The following CECR2 variants were observed in gnomAD, a reference collection of about 807,000 sequenced individuals.
CECR2 encodes the protein chromatin remodeling regulator CECR2.
A neutral mutation model predicts 154.5 loss-of-function variants in CECR2; 30 were observed. The ratio of observed to expected loss-of-function variants is 0.19; its 90% CI spans 0.15 to 0.26. The LOEUF is 0.26. Among genes scored for constraint, CECR2 ranks in the 10% least tolerant of loss-of-function variants. The pLI, the probability that CECR2 is intolerant of heterozygous loss-of-function variation, is 1.00. For synonymous variants in CECR2, 725 were observed against 683.7 expected, an observed-to-expected ratio of 1.06 and a Z score of -0.94; for missense variants, 1,743 against 1,829.3, an observed-to-expected ratio of 0.95 and a Z score of 0.86.
chr22:17,529,476 G>T (rs530307136), intron 9 of CECR2, among the ~76,000 whole-genome samples: 1 of 152,166 alleles, frequency 6.6e-6, no homozygotes, highest in Non-Finnish European at 1.5e-5. Flanking sequence ...CGAAGTGGGC[G>T]AATCACGAGG....
At chr22:17,365,470 G>A (rs543188920), upstream of CECR2, among the ~76,000 whole-genome samples, 1 of 152,224 alleles carries the variant, frequency 6.6e-6, no homozygotes, top group African/African-American at 2.4e-5. Flanking sequence ...CAAGGTGGGC[G>A]GATCACGAGG....
chr22:17,494,396 T>C (rs1475820597), intron 2 of CECR2, among the ~76,000 whole-genome samples: 4 of 152,110 alleles, frequency 2.6e-5, no homozygotes, highest in Non-Finnish European at 5.9e-5. Context: ...CTGTCTGCAT[T>C]TTAATGTGAG....
chr22:17,426,839 A>G (rs1036817955), intron 1 of CECR2, among the ~76,000 whole-genome samples: 1 of 152,006 alleles, frequency 6.6e-6, no homozygotes, highest in Non-Finnish European at 1.5e-5. Context: ...ATTTGATCAA[A>G]TTCAGATTTA....
At chr22:17,488,758 C>T (rs1336917060) in intron 2 of CECR2, among the ~76,000 whole-genome samples, 1 of 152,104 alleles carries the variant, frequency 6.6e-6, no homozygotes, top group Non-Finnish European at 1.5e-5. Context: ...ATGAATGAAG[C>T]TGCTGTGAAC....
chr22:17,437,903 T>C (rs1276150551), intron 1 of CECR2, among the ~76,000 whole-genome samples: 1 of 152,184 alleles, frequency 6.6e-6, no homozygotes, highest in East Asian at 1.9e-4. Flanking sequence ...ATTTGAAAGA[T>C]GGATGTTACT....
At chr22:17,544,742 G>A (rs552051199) in intron 16 of CECR2, among the ~76,000 whole-genome samples, 7 of 146,506 alleles carry the variant, frequency 4.8e-5, no homozygotes, top group Admixed American at 1.4e-4. Flanking sequence ...CCCGGGAGGC[G>A]GAGGTTGCAG....
chr22:17,497,387 T>C lies in CECR2; in HGVS notation c.222-16T>C. 6.2e-7 allele frequency: 1 copy of C among 1,606,306 alleles called. No homozygotes were observed. Among genetic ancestry groups the C allele is most frequent in the Admixed American group, 1.7e-5 (1 of 58,294 alleles). ...TTTTATATTAATGTATTTTTGTGTT[T>C]GGGGCCCTGGTCTAGGCCTCAGACA... On this transcript the variant is annotated splice_polypyrimidine_tract_variant and intron_variant, in intron 2 of 18. Coordinates refer to ENST00000262608, the MANE Select transcript of CECR2 (RefSeq NM_001290047.2).
At chr22:17,368,805 C>G (rs1464661163), upstream of CECR2, among the ~76,000 whole-genome samples, 1 of 152,126 alleles carries the variant, frequency 6.6e-6, no homozygotes, top group East Asian at 1.9e-4. Flanking sequence ...GCTCTTCCCG[C>G]TTGGCTGCTG....
intron 1 of CECR2, among the ~76,000 whole-genome samples, chr22:17,381,891 T>TG (rs377438176): frequency 4.0e-5 from 6 of 148,302 alleles, no homozygotes; most frequent in Admixed American, 3.3e-4. Flanking sequence ...CACATTTTTT[T>TG]TTTTTGTTTT....
At chr22:17,363,001 C>T (rs1385510063) in intron 1 of CECR2, among the ~76,000 whole-genome samples, 1 of 151,200 alleles carries the variant, frequency 6.6e-6, no homozygotes. Context: ...TGGTCTCCAT[C>T]CTGTGTCACG....
At chr22:17,388,747 C>G (rs1443109142) in intron 1 of CECR2, among the ~76,000 whole-genome samples, 1 of 152,122 alleles carries the variant, frequency 6.6e-6, no homozygotes, top group Non-Finnish European at 1.5e-5. Context: ...CTGTTAAGAG[C>G]TCCTTTTATC....
intron 1 of CECR2, among the ~76,000 whole-genome samples, chr22:17,452,659 T>C (rs1483333919): frequency 2.0e-5 from 3 of 151,984 alleles, no homozygotes; most frequent in African/African-American, 7.2e-5. Context: ...ACTTGTGGAG[T>C]GAGTGATATC....
intron 16 of CECR2, 36 bp from the exon 17 acceptor site, chr22:17,548,112 A>T: frequency 6.8e-7 from 1 of 1,469,156 alleles, no homozygotes; most frequent in Non-Finnish European, 9.1e-7. Context: ...TCAGCTACTG[A>T]GTTATTTTTT....
chr22:17,421,507 T>G (rs1475319961), intron 1 of CECR2, among the ~76,000 whole-genome samples: 2 of 144,376 alleles, frequency 1.4e-5, no homozygotes, highest in Non-Finnish European at 3.0e-5. Context: ...CCCAGCTACT[T>G]GGGAGGCTGA....
chr22:17,534,051 A>G (rs993839907), intron 9 of CECR2, among the ~76,000 whole-genome samples: 3 of 152,150 alleles, frequency 2.0e-5, no homozygotes, highest in African/African-American at 7.2e-5. Context: ...ACAATACGAT[A>G]GGGTCAATCA....
At chr22:17,419,513 A>G (rs1202221473) in intron 1 of CECR2, 9 of 141,262 alleles carry the variant, frequency 6.4e-5, no homozygotes, top group Admixed American at 1.7e-4. Flanking sequence ...AAGAGGAGGA[A>G]GAAGAAGAAG....
At chr22:17,372,978 G>C (rs2063078197) in intron 1 of CECR2, among the ~76,000 whole-genome samples, 1 of 152,140 alleles carries the variant, frequency 6.6e-6, no homozygotes, top group Non-Finnish European at 1.5e-5. Flanking sequence ...CAGGATTCAT[G>C]CCCCACTTCT....
intron 1 of CECR2, among the ~76,000 whole-genome samples, chr22:17,467,637 T>C (rs2078740): frequency 0.14 from 21,012 of 151,822 alleles, 1,643 homozygotes; most frequent in East Asian, 0.23. Flanking sequence ...CAAAAATTAG[T>C]CGGGCATGGT....
chr22:17,507,096 T>C (rs1298379744), intron 7 of CECR2, among the ~76,000 whole-genome samples: 1 of 152,220 alleles, frequency 6.6e-6, no homozygotes, highest in Non-Finnish European at 1.5e-5. Flanking sequence ...GAAGAGAAAG[T>C]ATTTGTAAAT....
Sources: allele counts gnomAD v4.1 joint callset (sites outside exome capture counted in the v4.1 genomes callset), GRCh38; gene constraint gnomAD v4.1.1; transcripts MANE v1.5; gene names NCBI Gene and HGNC (gene_info 2026-07-23, HGNC 2026-07-21).